The following SUGCT variants were observed in gnomAD, a reference collection of about 807,000 sequenced individuals.
The protein encoded by SUGCT is succinyl-CoA:glutarate-CoA transferase, also known as succinyl-CoA:glutarate CoA-transferase.
Under a neutral mutation model 55.0 loss-of-function variants are expected in SUGCT, and 41 were observed. The ratio of observed to expected loss-of-function variants is 0.74; its 90% CI spans 0.58 to 0.97. The LOEUF is 0.97. SUGCT is among the 50% of genes least tolerant of loss of function. SUGCT has a pLI of 0.00. For missense variants in SUGCT, 568 were observed against 547.8 expected (o/e 1.04, Z -0.37); for synonymous variants, 187 against 200.4 (o/e 0.93, Z 0.56).
intron 8 of SUGCT, among the ~76,000 whole-genome samples, chr7:40,279,276 G>A (rs1792784538): frequency 1.3e-5 from 2 of 152,034 alleles, no homozygotes; most frequent in Admixed American, 1.3e-4. Context: ...CTGGTTTAAG[G>A]GACCATTCCT....
intron 12 of SUGCT, among the ~76,000 whole-genome samples, chr7:40,747,794 A>T (rs1213517692): frequency 2.0e-5 from 3 of 152,016 alleles, no homozygotes; most frequent in Non-Finnish European, 2.9e-5. Context: ...GTTTTTTTTT[A>T]AATAAAAAAA....
intron 9 of SUGCT, among the ~76,000 whole-genome samples, chr7:40,441,402 A>G (rs917914094): frequency 4.6e-5 from 7 of 152,190 alleles, no homozygotes; most frequent in African/African-American, 1.7e-4. Flanking sequence ...GAGTTTCAGT[A>G]TGAAATTTAA....
chr7:40,872,539 GAC>G, the SUGCT span, among the ~76,000 whole-genome samples: 1 of 152,120 alleles, frequency 6.6e-6, no homozygotes, highest in Non-Finnish European at 1.5e-5. Context: ...TTGTCCAAGC[GAC>G]ACTGACCAGG....
intron 13 of SUGCT, among the ~76,000 whole-genome samples, chr7:40,767,572 A>G (rs1250920111): frequency 6.6e-6 from 1 of 152,114 alleles, no homozygotes; most frequent in Non-Finnish European, 1.5e-5. Context: ...GTGGCAGAGG[A>G]TGGCCTACCT....
chr7:40,818,323 A>G (rs954487729), intron 13 of SUGCT, among the ~76,000 whole-genome samples: 1 of 152,190 alleles, frequency 6.6e-6, no homozygotes, highest in Non-Finnish European at 1.5e-5. Context: ...TGATTGGCCT[A>G]GTTTATCCCC....
chr7:40,598,443 C>T (rs1584096487), intron 12 of SUGCT, among the ~76,000 whole-genome samples: 1 of 152,216 alleles, frequency 6.6e-6, no homozygotes, highest in Non-Finnish European at 1.5e-5. Context: ...CATTACTATA[C>T]AGGCAGATGC....
At chr7:40,221,296 C>T (rs887252245) in intron 6 of SUGCT, among the ~76,000 whole-genome samples, 6 of 150,820 alleles carry the variant, frequency 4.0e-5, no homozygotes, top group South Asian at 2.1e-4. Context: ...TTCCTGTAAT[C>T]GCAGCTACTT....
chr7:40,335,347 C>A (rs1245152535), intron 9 of SUGCT, among the ~76,000 whole-genome samples: 1 of 151,782 alleles, frequency 6.6e-6, no homozygotes, highest in South Asian at 2.1e-4. Flanking sequence ...GCAGTATGGC[C>A]ATTTTCACGA....
chr7:40,228,660 T>A (rs1374496454), intron 6 of SUGCT, among the ~76,000 whole-genome samples: 1 of 152,200 alleles, frequency 6.6e-6, no homozygotes, highest in Non-Finnish European at 1.5e-5. Context: ...TTATTAGGAA[T>A]TACAAAATGT....
intron 9 of SUGCT, among the ~76,000 whole-genome samples, chr7:40,423,794 A>T (rs2151375976): frequency 6.6e-6 from 1 of 152,222 alleles, no homozygotes; most frequent in South Asian, 2.1e-4. Flanking sequence ...CTGTGTATAA[A>T]TTTTTTAAAC....
chr7:40,458,817 A>G (rs936076131), intron 10 of SUGCT, among the ~76,000 whole-genome samples: 1 of 152,144 alleles, frequency 6.6e-6, no homozygotes, highest in African/African-American at 2.4e-5. Flanking sequence ...TGTTTCCTAT[A>G]TTCTCATATT....
the SUGCT span, among the ~76,000 whole-genome samples, chr7:40,884,746 A>G: frequency 1.3e-3 from 204 of 152,332 alleles, no homozygotes; most frequent in African/African-American, 4.5e-3. Flanking sequence ...TGGTTATTCT[A>G]AAGAGTGCAA....
At chr7:40,908,501 A>G in the SUGCT span, among the ~76,000 whole-genome samples, 1 of 152,138 alleles carries the variant, frequency 6.6e-6, no homozygotes, top group East Asian at 1.9e-4. Flanking sequence ...TTTTAAAATT[A>G]ATAACACACA....
chr7:40,151,209 C>T (rs533934971), intron 1 of SUGCT, among the ~76,000 whole-genome samples: 2 of 152,308 alleles, frequency 1.3e-5, no homozygotes, highest in South Asian at 4.1e-4. Context: ...CACTGCATTC[C>T]AGCCAGGTGA....
At chr7:40,959,056 C>T in the SUGCT span, among the ~76,000 whole-genome samples, 6 of 152,166 alleles carry the variant, frequency 3.9e-5, no homozygotes, top group Non-Finnish European at 7.3e-5. Flanking sequence ...CCCAGAGGGG[C>T]ACCCACCAGA....
the SUGCT span, among the ~76,000 whole-genome samples, chr7:40,999,710 C>T: frequency 4.3e-3 from 660 of 152,282 alleles, 2 homozygotes; most frequent in Admixed American, 8.2e-3. Flanking sequence ...CCGAAACTTT[C>T]CTGGAGAGAG....
At chr7:40,391,871 C>G (rs1458360611) in intron 9 of SUGCT, among the ~76,000 whole-genome samples, 1 of 152,132 alleles carries the variant, frequency 6.6e-6, no homozygotes, top group Admixed American at 6.5e-5. Context: ...ATAGCAAAGA[C>G]TTGGAACCAA....
intron 6 of SUGCT, among the ~76,000 whole-genome samples, chr7:40,225,827 A>G (rs1788308640): frequency 6.6e-6 from 1 of 152,194 alleles, no homozygotes; most frequent in South Asian, 2.1e-4. Context: ...ATAGAATCAT[A>G]GAAAGTAGCT....
intron 12 of SUGCT, among the ~76,000 whole-genome samples, chr7:40,541,304 A>C (rs956532705): frequency 6.6e-6 from 1 of 152,242 alleles, no homozygotes; most frequent in Non-Finnish European, 1.5e-5. Context: ...TGTGGGGGCC[A>C]ACATGGACTG....
Sources: gnomAD v4.1 joint callset for allele counts (sites outside exome capture counted in the v4.1 genomes callset) on GRCh38, gnomAD v4.1.1 for gene constraint, MANE v1.5 for transcripts, NCBI Gene and HGNC (gene_info 2026-07-23, HGNC 2026-07-21) for gene names.